LRP2: variants seen among roughly 807,000 people sequenced by gnomAD.
LRP2 encodes LDL receptor related protein 2, also known as low-density lipoprotein receptor-related protein 2.
In LRP2, 172 loss-of-function variants were observed where a neutral mutation model predicts 531.0. That is an observed-to-expected ratio of 0.32 (90% CI 0.29 to 0.37). The LOEUF is 0.37. Ranked by LOEUF, LRP2 falls within the 10% of genes least tolerant of loss-of-function variation. The pLI is 1.00. For missense variants in LRP2, 5,167 were observed against 5,868.3 expected, an observed-to-expected ratio of 0.88 and a Z score of 3.90; for synonymous variants, 1,992 against 2,027.6, an observed-to-expected ratio of 0.98 and a Z score of 0.47.
chr2:169,277,772 T>G lies in LRP2; in HGVS notation c.1745A>C (p.Glu582Ala). 1 of 1,614,134 alleles carries G rather than the reference T, an allele frequency of 6.2e-7. No individual in the cohort carries two copies. The highest frequency in any genetic ancestry group is 2.2e-5 in the East Asian group (1 of 44,878). ...YWVDSRFDYI[E>A]TVTYDGIQRK... is the part of the protein sequence containing the mutation. ...TTGAATTCCATCATAAGTTACAGTT[T>G]CAATGTAATCAAACCGAGAGTCAAC... The change falls in exon 13 of 79, where the codon GAA (glutamate) becomes GCA (alanine). Residue 582 changes from glutamate (E) to alanine (A), a missense_variant. Glu to Ala is a moderately radical substitution (Grantham distance 107, BLOSUM62 -1). Coordinates refer to ENST00000649046, the MANE Select transcript of LRP2 (RefSeq NM_004525.3).
rs138608585 is a variant in LRP2, at chr2:169,176,424, C to T, written c.10558G>A (p.Ala3520Thr). The change falls in exon 54 of 79, where the codon GCT becomes ACT. Residue 3520 changes from alanine to threonine, a missense_variant. Coordinates refer to ENST00000649046, the MANE Select transcript of LRP2 (RefSeq NM_004525.3). ...AGAGAGCCTTACTTTTCATTGTTAGCGCACAGGAACTGGGTGCTGGAGCAC... is the reference window on the plus strand; with the variant it reads ...AGAGAGCCTTACTTTTCATTGTTAGTGCACAGGAACTGGGTGCTGGAGCAC... ...PMCSSTQFLC[A>T]NNEKCIPIWW... The T allele has an allele frequency of 4.0e-5, 64 of 1,614,116 alleles. No individual in the cohort carries two copies. In the African/African-American group the frequency reaches 4.3e-4, roughly 11 times the overall value.
intron 38 of LRP2, 32 bp from the exon 39 acceptor site, chr2:169,207,282 A>G: frequency 6.7e-7 from 1 of 1,484,686 alleles, no homozygotes. Context: ...ATGCTGATCA[A>G]TGGAGAACCA....
In LRP2 at chr2:169,362,435, C is replaced by T; in HGVS notation, c.-36G>A. Reference sequence around the variant, plus strand: ...GTCCCCGGCCTCGCCGTTCCTTCCCCGGGAGGTGGGCGCGCGTAGCACACC... The same window carrying T: ...GTCCCCGGCCTCGCCGTTCCTTCCCTGGGAGGTGGGCGCGCGTAGCACACC... On this transcript the variant is annotated 5_prime_UTR_variant, in exon 1 of 79. Transcript: ENST00000649046. 1 of 1,533,384 alleles carries T rather than the reference C, an allele frequency of 6.5e-7. No homozygotes were observed. The highest frequency in any genetic ancestry group is 8.8e-7 in the Non-Finnish European group (1 of 1,138,068). The allele number at this position is 1,533,384 out of a possible 1,614,324, so 95.0% of individuals were successfully genotyped here. A position where few individuals can be genotyped will look rare whatever the true frequency, so the allele number is the denominator to read the frequency against.
At chr2:169,354,206 A>G (rs16856842) in intron 1 of LRP2, among the ~76,000 whole-genome samples, 3,746 of 152,302 alleles carry the variant, frequency 0.025, 52 homozygotes, top group Middle Eastern at 0.034. Flanking sequence ...CGTCTTTTTC[A>G]GGTTTCCTCA....
At chr2:169,312,208 G>C (rs1272320896) in intron 3 of LRP2, among the ~76,000 whole-genome samples, 1 of 151,700 alleles carries the variant, frequency 6.6e-6, no homozygotes, top group Non-Finnish European at 1.5e-5. Flanking sequence ...TTACATTTAA[G>C]GTTAATATTG....
chr2:169,282,796 T>C lies in LRP2; in HGVS notation c.1171+77A>G, dbSNP rs544811887. The C allele has an allele frequency of 8.9e-5, 130 of 1,460,470 alleles. 3 individuals are homozygous for C. In the South Asian group the frequency reaches 1.4e-3, roughly 16 times the overall value. The allele number at this position is 1,460,470 out of a possible 1,614,324, so 90.5% of individuals were successfully genotyped here. A position where few individuals can be genotyped will look rare whatever the true frequency, so the allele number is the denominator to read the frequency against. ...AACAACAAAAATGCTGATAATTCTGTTGTCATCAGAAGGAAGGAAAGAAGC... is the reference window on the plus strand; with the variant it reads ...AACAACAAAAATGCTGATAATTCTGCTGTCATCAGAAGGAAGGAAAGAAGC... On this transcript the variant is annotated intron_variant, in intron 10 of 78. Coordinates refer to ENST00000649046, the MANE Select transcript of LRP2 (RefSeq NM_004525.3).
Position 169,172,107 on chromosome 2 carries a change from T to A in LRP2, c.11171A>T (p.Asp3724Val). The A allele has an allele frequency of 6.2e-7, 1 of 1,614,134 alleles. No homozygotes were observed. Among genetic ancestry groups the A allele is most frequent in the South Asian group, 1.1e-5 (1 of 91,080 alleles). The change falls in exon 58 of 79, where the codon GAT becomes GTT. Residue 3724 changes from aspartate to valine, a missense_variant. Asp to Val is a radical substitution (Grantham distance 152). This residue lies in a region of LRP2 where 311 missense variants were observed against 309.4 expected (regional missense o/e 1.01). Coordinates refer to ENST00000649046, the MANE Select transcript of LRP2 (RefSeq NM_004525.3). ...CEERTCHPVGDFRCKNHHCIP... is the reference protein window; with the variant it reads ...CEERTCHPVGVFRCKNHHCIP... ...GCAGTGGTGATTTTTACAGCGGAAA[T>A]CCCCCACAGGATGGCATGTCCTCTC...
intron 54 of LRP2, 100 bp from the exon 55 acceptor site, chr2:169,175,489 G>A: frequency 9.3e-7 from 1 of 1,071,278 alleles, no homozygotes; most frequent in Admixed American, 1.8e-5. Context: ...TGACATGCAT[G>A]AGCTCTCTCG....
chr2:169,180,685 A>T (rs900718486), intron 52 of LRP2, among the ~76,000 whole-genome samples: 14 of 152,224 alleles, frequency 9.2e-5, no homozygotes, highest in African/African-American at 3.4e-4. Context: ...TAAAATAAAA[A>T]AATTTGAAAT....
In LRP2 at chr2:169,170,637, C is replaced by T. The variant is rs9646779; in HGVS notation, c.11294G>A (p.Arg3765Gln). 6.2e-6 allele frequency: 10 copies of T among 1,613,852 alleles called. No individual in the cohort carries two copies. The African/African-American group carries it at 6.7e-5, about 11-fold the overall frequency. The part of the protein sequence containing the change: ...APRECTESEF[R>Q]CVNQQCIPSR... The stretch of plus-strand genomic sequence containing the variant: ...GGGAATGCACTGCTGATTGACACAT[C>T]GAAACTCGCTCTCTGTGCACTCCCG... The change falls in exon 59 of 79, where the codon CGA becomes CAA. Residue 3765 changes from arginine to glutamine, a missense_variant. By Grantham distance (43) the Arg-to-Gln change is conservative. Around this residue, in one of 6 missense-constraint regions of LRP2, gnomAD observed 564 missense variants for 747.7 expected, o/e 0.75. Transcript: ENST00000649046.
intron 2 of LRP2, among the ~76,000 whole-genome samples, chr2:169,319,302 A>G (rs556008627): frequency 8.7e-4 from 133 of 152,318 alleles, no homozygotes; most frequent in African/African-American, 2.9e-3. Flanking sequence ...CCAAAATCAA[A>G]TAATTATTAT....
chr2:169,303,423 G>T (rs1180793255), intron 4 of LRP2, among the ~76,000 whole-genome samples: 2 of 152,094 alleles, frequency 1.3e-5, no homozygotes, highest in African/African-American at 4.8e-5. Flanking sequence ...CCACCTTGCA[G>T]CATTGACGTG....
intron 21 of LRP2, among the ~76,000 whole-genome samples, chr2:169,245,874 G>A (rs1436290726): frequency 6.6e-6 from 1 of 151,994 alleles, no homozygotes; most frequent in African/African-American, 2.4e-5. Context: ...GTTGTTGTTT[G>A]TTTGCTTATT....
At chr2:169,129,115 C>T (rs1431919632) in intron 77 of LRP2, 31 bp from the exon 78 acceptor site, 2 of 1,412,908 alleles carry the variant, frequency 1.4e-6, no homozygotes, top group East Asian at 4.5e-5. Context: ...AAAAACCTCT[C>T]AGTAATGGAA....
In LRP2 at chr2:169,162,512, A is replaced by G; in HGVS notation, c.11847T>C (p.Asp3949=). 6.2e-7 allele frequency: 1 copy of G among 1,614,246 alleles called. No individual in the cohort carries two copies. The highest frequency in any genetic ancestry group is 8.5e-7 in the Non-Finnish European group (1 of 1,180,032). ...HCIPHDNVCD[D]ADDCGDWSDE... ...CGGACCAGTCACCACAGTCATCGGC[A>G]TCATCACACACATTGTCATGTGGAA... The change falls in exon 63 of 79, where the codon GAT becomes GAC. Residue 3949 remains aspartate, a synonymous_variant. Transcript: ENST00000649046.
intron 57 of LRP2, among the ~76,000 whole-genome samples, 158 bp from the exon 58 acceptor site, chr2:169,172,292 C>T (rs1329111391): frequency 2.0e-5 from 3 of 152,204 alleles, no homozygotes; most frequent in African/African-American, 7.2e-5. Context: ...AACATTCCCT[C>T]TTTTAGCTAC....
At position 169,247,502 on chromosome 2, in the gene LRP2, A is replaced by G. The variant is rs1690057369; in HGVS notation, c.2784T>C (p.Phe928=). 6 of 1,614,128 alleles carry G rather than the reference A, an allele frequency of 3.7e-6. No homozygotes were observed. The highest frequency in any genetic ancestry group is 1.7e-5 in the Admixed American group (1 of 60,020). ...TAATGGCACCCAGTCTCCAGTCAGTAAAAAATAAATGCTCTGAAAAGAAAC... is the reference window on the plus strand; with the variant it reads ...TAATGGCACCCAGTCTCCAGTCAGTGAAAAATAAATGCTCTGAAAAGAAAC... ...GLAIFGEHLF[F]TDWRLGAIIR... The change falls in exon 20 of 79, where the codon TTT becomes TTC. Residue 928 remains phenylalanine, a synonymous_variant. Coordinates refer to ENST00000649046, the MANE Select transcript of LRP2 (RefSeq NM_004525.3).
At chr2:169,333,547 G>C (rs1685323900) in intron 1 of LRP2, among the ~76,000 whole-genome samples, 1 of 151,934 alleles carries the variant, frequency 6.6e-6, no homozygotes, top group Non-Finnish European at 1.5e-5. Flanking sequence ...GGGGCTACAA[G>C]AGTACTTCTT....
rs370790771 is a variant in LRP2 at position 169,193,827 on chromosome 2, C to T, written c.8764G>A (p.Glu2922Lys). 3.1e-6 allele frequency: 5 copies of T among 1,614,138 alleles called. No homozygotes were observed. In the Admixed American group the frequency reaches 5.0e-5, roughly 16 times the overall value. Residue 2922 changes from glutamate (E) to lysine (K), a missense_variant, in exon 47 of 79, where the codon GAA becomes AAA. Glu to Lys is a moderately conservative substitution (Grantham distance 56, BLOSUM62 1). This residue lies in a region of LRP2 where 1,129 missense variants were observed against 1,362.7 expected (regional missense o/e 0.83). Coordinates refer to ENST00000649046, the MANE Select transcript of LRP2 (RefSeq NM_004525.3). ...KCDGGRCIPS[E>K]WICDGDNDCG... ...TCATTATCACCGTCACAGATCCATT[C>T]GCTTGGGATGCACCTCCCACCATCA...
Sources: gnomAD v4.1 joint callset for allele counts (sites outside exome capture counted in the v4.1 genomes callset) on GRCh38, gnomAD v4.1.1 for gene constraint, gnomAD v4.1.1 regional missense constraint, MANE v1.5 for transcripts, NCBI Gene and HGNC (gene_info 2026-07-23, HGNC 2026-07-21) for gene names.